TAS2R1: variants seen among roughly 807,000 people sequenced by gnomAD.
The protein encoded by TAS2R1 is taste 2 receptor member 1, also known as taste receptor type 2 member 1.
For missense variants in TAS2R1, 370 were observed against 353.4 expected (o/e 1.05, Z -0.38); for synonymous variants, 141 against 134.2 (o/e 1.05, Z -0.35).
At chr5:9,826,315 T>C in the TAS2R1 span, among the ~76,000 whole-genome samples, 3 of 152,168 alleles carry the variant, frequency 2.0e-5, no homozygotes, top group Non-Finnish European at 4.4e-5. Context: ...CAGTTCCATA[T>C]ATTAATGTCA....
Position 9,629,607 on chromosome 5 carries a change from A to G in TAS2R1, c.426T>C (p.Val142=). 6.2e-7 allele frequency: 1 copy of G among 1,614,172 alleles called. No homozygotes were observed. The highest frequency in any genetic ancestry group is 8.5e-7 in the Non-Finnish European group (1 of 1,180,026). Residue 142 remains valine (V), a synonymous_variant, in exon 1 of 1, where the codon GTT becomes GTC. Coordinates refer to ENST00000382492, the MANE Select transcript of TAS2R1 (RefSeq NM_019599.3). ...GSLLYVSMIC[V]FHSKYAGFMV... is the part of the protein sequence containing the mutation. Reference sequence around the variant, plus strand: ...TAAACCCTGCATATTTGCTATGGAAAACACAAATCATAGATACATATAGCA... The same window carrying G: ...TAAACCCTGCATATTTGCTATGGAAGACACAAATCATAGATACATATAGCA...
At chr5:9,807,102 A>C in the TAS2R1 span, among the ~76,000 whole-genome samples, 2 of 152,196 alleles carry the variant, frequency 1.3e-5, no homozygotes, top group African/African-American at 4.8e-5. Context: ...ACATAAATAG[A>C]AAATTCTCAA....
the TAS2R1 span, among the ~76,000 whole-genome samples, chr5:9,826,586 C>T: frequency 6.6e-6 from 1 of 152,182 alleles, no homozygotes; most frequent in African/African-American, 2.4e-5. Flanking sequence ...AGTAAATTTT[C>T]CACTTAATAC....
At chr5:9,694,108 G>A (rs1473675821) in intron 1 of TAS2R1, among the ~76,000 whole-genome samples, 1 of 151,980 alleles carries the variant, frequency 6.6e-6, no homozygotes, top group East Asian at 1.9e-4. Flanking sequence ...ATTCACAAAC[G>A]AAGGTTTGTA....
chr5:9,803,497 A>G, the TAS2R1 span, among the ~76,000 whole-genome samples: 1 of 152,240 alleles, frequency 6.6e-6, no homozygotes, highest in African/African-American at 2.4e-5. Context: ...AGGCAAAAGC[A>G]TCAGGTAATC....
At chr5:9,803,193 AC>A in the TAS2R1 span, among the ~76,000 whole-genome samples, 1 of 152,358 alleles carries the variant, frequency 6.6e-6, no homozygotes, top group African/African-American at 2.4e-5. Context: ...TTCATTTAAC[AC>A]AAAAAAGAAT....
At chr5:9,697,338 G>C (rs985650993) in intron 1 of TAS2R1, among the ~76,000 whole-genome samples, 2 of 151,996 alleles carry the variant, frequency 1.3e-5, no homozygotes, top group Non-Finnish European at 2.9e-5. Flanking sequence ...TTTTATAGAT[G>C]AGTTCTTTGA....
chr5:9,830,182 T>TGGATGGAC, the TAS2R1 span, among the ~76,000 whole-genome samples: 17 of 146,750 alleles, frequency 1.2e-4, no homozygotes, highest in South Asian at 4.2e-4. Flanking sequence ...ACAGATTGGA[T>TGGATGGAC]GGATGGATGG....
the TAS2R1 span, among the ~76,000 whole-genome samples, chr5:9,744,110 C>T: frequency 3.3e-5 from 5 of 152,144 alleles, no homozygotes; most frequent in African/African-American, 1.2e-4. Flanking sequence ...TGATCTCTTC[C>T]TTTCCCCTCT....
intron 1 of TAS2R1, among the ~76,000 whole-genome samples, chr5:9,682,669 C>A (rs1250149977): frequency 1.3e-5 from 2 of 152,182 alleles, no homozygotes; most frequent in Non-Finnish European, 2.9e-5. Context: ...GCAGATCATG[C>A]ACCTGACACT....
chr5:9,819,880 G>T, the TAS2R1 span, among the ~76,000 whole-genome samples: 1 of 151,944 alleles, frequency 6.6e-6, no homozygotes, highest in Non-Finnish European at 1.5e-5. Flanking sequence ...GTGTACAGCT[G>T]CAAGTTACAA....
intron 2 of TAS2R1, among the ~76,000 whole-genome samples, chr5:9,650,113 TTA>T (rs749091474): frequency 6.6e-6 from 1 of 152,272 alleles, no homozygotes; most frequent in South Asian, 2.1e-4. Context: ...CCAAAAACTT[TTA>T]GAGACAATTC....
the TAS2R1 span, among the ~76,000 whole-genome samples, chr5:9,859,068 A>G: frequency 3.9e-5 from 6 of 152,186 alleles, no homozygotes; most frequent in Non-Finnish European, 1.5e-5. Flanking sequence ...TTTCCCTTAA[A>G]CGATTTTCAC....
chr5:9,740,714 G>T, the TAS2R1 span, among the ~76,000 whole-genome samples: 1 of 152,168 alleles, frequency 6.6e-6, no homozygotes, highest in Non-Finnish European at 1.5e-5. Flanking sequence ...AGTAACACAG[G>T]GGCCCATTTC....
the TAS2R1 span, among the ~76,000 whole-genome samples, chr5:9,728,196 GA>G: frequency 6.6e-6 from 1 of 150,966 alleles, no homozygotes; most frequent in African/African-American, 2.4e-5. Context: ...TTGAGTTATA[GA>G]AAAAAAAATC....
chr5:9,873,958 A>AAG, the TAS2R1 span, among the ~76,000 whole-genome samples: 240 of 146,588 alleles, frequency 1.6e-3, 1 homozygote, highest in African/African-American at 4.8e-3. Context: ...ACAGAAAGAA[A>AAG]AGAGAGAGAG....
intron 1 of TAS2R1, among the ~76,000 whole-genome samples, chr5:9,684,709 C>T (rs532232502): frequency 6.6e-6 from 1 of 152,176 alleles, no homozygotes; most frequent in Non-Finnish European, 1.5e-5. Context: ...AGTTAGAAGA[C>T]AGGATTTTGA....
chr5:9,859,540 C>T, the TAS2R1 span, among the ~76,000 whole-genome samples: 11 of 152,244 alleles, frequency 7.2e-5, no homozygotes, highest in South Asian at 2.1e-4. Context: ...TTGATTATTG[C>T]GTTCTGCTCT....
chr5:9,656,827 T>C (rs1490228915), intron 2 of TAS2R1, among the ~76,000 whole-genome samples: 1 of 152,222 alleles, frequency 6.6e-6, no homozygotes, highest in Non-Finnish European at 1.5e-5. Context: ...CAGTTCAGTC[T>C]TGAACAATGT....
Sources: gnomAD v4.1 joint callset for allele counts (sites outside exome capture counted in the v4.1 genomes callset) on GRCh38, gnomAD v4.1.1 for gene constraint, MANE v1.5 for transcripts, NCBI Gene and HGNC (gene_info 2026-07-23, HGNC 2026-07-21) for gene names.